The following AMOTL1 variants were observed in gnomAD, a reference collection of about 807,000 sequenced individuals.
AMOTL1 encodes angiomotin-like protein 1.
Under a neutral mutation model 102.9 loss-of-function variants are expected in AMOTL1, and 45 were observed. The observed-to-expected ratio is 0.44, with a 90% CI of 0.34 to 0.56. The LOEUF is 0.56. Among genes scored for constraint, AMOTL1 ranks in the 20% least tolerant of loss-of-function variants. AMOTL1 has a pLI of 0.01. For missense variants in AMOTL1, 1,114 were observed against 1,225.6 expected, an observed-to-expected ratio of 0.91 and a Z score of 1.36; for synonymous variants, 481 against 484.7, an observed-to-expected ratio of 0.99 and a Z score of 0.10.
rs1438776725 is a variant in AMOTL1, at chr11:94,873,892, TG to T, written c.*3099del. ...ATCACCTATAAATGCTAGGCATAGA[TG>T]GAAATTATTGTGTTCCACCAGAAGC... On this transcript the variant is annotated 3_prime_UTR_variant, in exon 13 of 13. Transcript: ENST00000433060. 6.6e-6 allele frequency: 1 copy of T among 152,050 alleles called. No individual in the cohort carries two copies. 9.4% of individuals were successfully genotyped at this position (152,050 alleles called of 1,614,324 possible).
intron 3 of AMOTL1, among the ~76,000 whole-genome samples, chr11:94,750,528 C>T (rs1950639973): frequency 6.6e-6 from 1 of 152,156 alleles, no homozygotes; most frequent in Non-Finnish European, 1.5e-5. Flanking sequence ...CTACACCTGT[C>T]CTAGGTTTTG....
chr11:94,735,504 G>A (rs1466533539), intron 2 of AMOTL1, among the ~76,000 whole-genome samples: 1 of 152,118 alleles, frequency 6.6e-6, no homozygotes, highest in Non-Finnish European at 1.5e-5. Context: ...AGATTTTACT[G>A]TTTTCTAATG....
chr11:94,754,574 A>G (rs955714763), intron 3 of AMOTL1, among the ~76,000 whole-genome samples: 1 of 152,160 alleles, frequency 6.6e-6, no homozygotes, highest in Non-Finnish European at 1.5e-5. Context: ...CAGTGGGACA[A>G]AGCTGTTACA....
chr11:94,808,467 CAA>C (rs1316491616), intron 3 of AMOTL1, among the ~76,000 whole-genome samples: 9 of 152,008 alleles, frequency 5.9e-5, no homozygotes, highest in Admixed American at 5.9e-4. Context: ...TCATGTTTTG[CAA>C]AGTTTTTGTC....
chr11:94,747,928 T>C (rs1950608923), intron 3 of AMOTL1, among the ~76,000 whole-genome samples: 1 of 152,194 alleles, frequency 6.6e-6, no homozygotes, highest in South Asian at 2.1e-4. Flanking sequence ...AGAACTAGTC[T>C]TACAGCCTCA....
At chr11:94,851,581 A>C (rs1363508532) in intron 7 of AMOTL1, among the ~76,000 whole-genome samples, 1 of 152,176 alleles carries the variant, frequency 6.6e-6, no homozygotes, top group Non-Finnish European at 1.5e-5. Flanking sequence ...GTAAGAGTGA[A>C]CTCTAGAGCA....
chr11:94,821,412 G>T (rs1951863328), intron 3 of AMOTL1, 118 bp from the exon 4 acceptor site: 2 of 1,074,766 alleles, frequency 1.9e-6, no homozygotes, highest in African/African-American at 3.2e-5. Flanking sequence ...CTCCCACTGG[G>T]AAGTGCACTG....
chr11:94,756,069 G>T (rs1272406406), intron 3 of AMOTL1, among the ~76,000 whole-genome samples: 1 of 151,886 alleles, frequency 6.6e-6, no homozygotes, highest in African/African-American at 2.4e-5. Flanking sequence ...GAGTCAGGCT[G>T]CTCAGCAGCC....
intron 1 of AMOTL1, among the ~76,000 whole-genome samples, chr11:94,712,632 C>T (rs540244419): frequency 6.6e-6 from 1 of 151,898 alleles, no homozygotes; most frequent in Admixed American, 6.6e-5. Context: ...CTTAAACAAA[C>T]CAAAACACAA....
Position 94,768,488 on chromosome 11 carries a change from G to A in AMOTL1, c.-24G>A, listed in dbSNP as rs1591945519. ...CGGCAGCCGTCTTCCCCAGCCGAGG[G>A]ACTGAACTAGCCATGATCGCCTCAT... On this transcript the variant is annotated 5_prime_UTR_variant, in exon 1 of 13. Coordinates refer to ENST00000433060, the MANE Select transcript of AMOTL1 (RefSeq NM_130847.3). 2 of 1,588,286 alleles carry A rather than the reference G, an allele frequency of 1.3e-6. No individual in the cohort carries two copies. Among genetic ancestry groups the A allele is most frequent in the East Asian group, 2.3e-5 (1 of 43,102 alleles).
chr11:94,714,390 C>T (rs1252586670), intron 1 of AMOTL1, among the ~76,000 whole-genome samples: 1 of 151,866 alleles, frequency 6.6e-6, no homozygotes, highest in Admixed American at 6.6e-5. Flanking sequence ...GTAGTACTGG[C>T]CTCATAAAAT....
chr11:94,782,166 T>A (rs1951124054), intron 1 of AMOTL1, among the ~76,000 whole-genome samples: 1 of 152,234 alleles, frequency 6.6e-6, no homozygotes, highest in Non-Finnish European at 1.5e-5. Context: ...CCATATTTAC[T>A]TGAAAGAACA....
intron 3 of AMOTL1, among the ~76,000 whole-genome samples, chr11:94,815,451 T>A (rs1402204280): frequency 6.6e-6 from 1 of 152,114 alleles, no homozygotes; most frequent in Admixed American, 6.6e-5. Flanking sequence ...ACAGTTTTAA[T>A]AAGTAATCTG....
At chr11:94,752,110 G>A (rs1950663293) in intron 3 of AMOTL1, among the ~76,000 whole-genome samples, 1 of 152,050 alleles carries the variant, frequency 6.6e-6, no homozygotes, top group South Asian at 2.1e-4. Flanking sequence ...AATCAGTTTT[G>A]CCCAGTGTGG....
chr11:94,708,040 A>G (rs1949958679), intron 1 of AMOTL1, among the ~76,000 whole-genome samples: 1 of 152,080 alleles, frequency 6.6e-6, no homozygotes, highest in South Asian at 2.1e-4. Context: ...TAGTCTGTTG[A>G]GTCAGTCTTC....
intron 3 of AMOTL1, among the ~76,000 whole-genome samples, chr11:94,754,592 C>A (rs1950698764): frequency 6.6e-6 from 1 of 152,200 alleles, no homozygotes; most frequent in Non-Finnish European, 1.5e-5. Context: ...ACACCATGCT[C>A]ACTTGCATTT....
chr11:94,842,661 G>T (rs1430208009), intron 6 of AMOTL1, among the ~76,000 whole-genome samples: 1 of 152,144 alleles, frequency 6.6e-6, no homozygotes, highest in African/African-American at 2.4e-5. Flanking sequence ...ACAAATCTTT[G>T]TCTCTTTTGT....
chr11:94,757,866 AG>A (rs1317710017), intron 3 of AMOTL1, among the ~76,000 whole-genome samples: 2 of 152,228 alleles, frequency 1.3e-5, no homozygotes, highest in African/African-American at 4.8e-5. Flanking sequence ...GTTCAAGACC[AG>A]CCTGACCAAC....
At chr11:94,824,742 G>A (rs2135640841) in intron 4 of AMOTL1, among the ~76,000 whole-genome samples, 1 of 152,272 alleles carries the variant, frequency 6.6e-6, no homozygotes, top group African/African-American at 2.4e-5. Flanking sequence ...GCATGGATGT[G>A]ACCCCTGTTT....
Sources: allele counts gnomAD v4.1 joint callset (sites outside exome capture counted in the v4.1 genomes callset), GRCh38; gene constraint gnomAD v4.1.1; transcripts MANE v1.5; gene names NCBI Gene and HGNC (gene_info 2026-07-23, HGNC 2026-07-21).